GUCY1A2: variants seen among roughly 807,000 people sequenced by gnomAD.
The protein encoded by GUCY1A2 is guanylate cyclase soluble subunit alpha-2.
In GUCY1A2, 27 loss-of-function variants were observed where a neutral mutation model predicts 63.5. The ratio of observed to expected loss-of-function variants is 0.43; its 90% CI spans 0.31 to 0.59. The LOEUF is 0.59. Ranked by LOEUF, GUCY1A2 falls within the 20% of genes least tolerant of loss-of-function variation. The pLI, the probability that GUCY1A2 is intolerant of heterozygous loss-of-function variation, is 0.11. For synonymous variants in GUCY1A2, 364 were observed against 343.5 expected (o/e 1.06, Z -0.66); for missense variants, 768 against 913.3 (o/e 0.84, Z 2.05).
intron 6 of GUCY1A2, among the ~76,000 whole-genome samples, chr11:106,745,627 C>A (rs1863774572): frequency 6.6e-6 from 1 of 152,156 alleles, no homozygotes; most frequent in South Asian, 2.1e-4. Context: ...TAACTACCAA[C>A]CCATCTGTAT....
chr11:106,867,059 C>A (rs576300267), intron 4 of GUCY1A2, among the ~76,000 whole-genome samples: 3 of 152,042 alleles, frequency 2.0e-5, no homozygotes, highest in African/African-American at 4.8e-5. Flanking sequence ...AAGTTTCCCC[C>A]AAATTAATTA....
At chr11:107,003,167 C>T (rs770536967) in intron 1 of GUCY1A2, among the ~76,000 whole-genome samples, 8 of 152,008 alleles carry the variant, frequency 5.3e-5, no homozygotes, top group Non-Finnish European at 8.8e-5. Flanking sequence ...AGATGTATGC[C>T]GACAATATCC....
rs1292300141 is a variant in GUCY1A2, at chr11:106,685,035, A to T, written c.*2514T>A. On this transcript the variant is annotated 3_prime_UTR_variant, in exon 8 of 8. Coordinates refer to ENST00000526355, the MANE Select transcript of GUCY1A2 (RefSeq NM_000855.3). ...GTACCTCATAAACATATATAGCAAC[A>T]TTGTAACTACAATAATCAACTATAA... 9.7e-6 allele frequency: 2 copies of T among 205,180 alleles called. No homozygotes were observed. Among genetic ancestry groups the T allele is most frequent in the East Asian group, 1.5e-4 (2 of 13,476 alleles). 12.7% of individuals were successfully genotyped at this position (205,180 alleles called of 1,614,324 possible). A position where few individuals can be genotyped will look rare whatever the true frequency, so the allele number is the denominator to read the frequency against.
chr11:106,891,043 G>A (rs545091347), intron 4 of GUCY1A2, among the ~76,000 whole-genome samples: 78 of 152,220 alleles, frequency 5.1e-4, no homozygotes, highest in African/African-American at 1.8e-3. Flanking sequence ...AACATTACTA[G>A]TGATTGCCAA....
intron 4 of GUCY1A2, among the ~76,000 whole-genome samples, chr11:106,934,873 T>C (rs1860654310): frequency 6.6e-6 from 1 of 152,208 alleles, no homozygotes; most frequent in South Asian, 2.1e-4. Context: ...TGTTATTTAT[T>C]GTTTCTCAAA....
intron 3 of GUCY1A2, among the ~76,000 whole-genome samples, chr11:106,956,588 T>A (rs946169158): frequency 2.6e-5 from 4 of 152,108 alleles, no homozygotes; most frequent in Admixed American, 2.0e-4. Flanking sequence ...GTCGTATTCA[T>A]GTGATTCGCT....
chr11:106,753,077 T>C (rs1246902455), intron 6 of GUCY1A2, among the ~76,000 whole-genome samples: 1 of 152,224 alleles, frequency 6.6e-6, no homozygotes, highest in Non-Finnish European at 1.5e-5. Flanking sequence ...CATGAGATAG[T>C]ATCTCATTGT....
At chr11:106,721,645 C>T (rs1863319042) in intron 6 of GUCY1A2, among the ~76,000 whole-genome samples, 1 of 151,822 alleles carries the variant, frequency 6.6e-6, no homozygotes, top group Non-Finnish European at 1.5e-5. Flanking sequence ...AGCAGTAGGT[C>T]TCTCAACTGG....
intron 7 of GUCY1A2, among the ~76,000 whole-genome samples, chr11:106,703,017 G>A (rs1460504595): frequency 6.6e-6 from 1 of 152,118 alleles, no homozygotes; most frequent in African/African-American, 2.4e-5. Context: ...CAAGCTGGGT[G>A]GACACAATCT....
intron 4 of GUCY1A2, among the ~76,000 whole-genome samples, chr11:106,828,374 T>C (rs977232378): frequency 3.3e-5 from 5 of 152,096 alleles, no homozygotes; most frequent in Admixed American, 1.3e-4. Flanking sequence ...TGATTTTTGA[T>C]TATGATGAGA....
At chr11:106,872,719 A>C (rs1389042735) in intron 4 of GUCY1A2, among the ~76,000 whole-genome samples, 1 of 152,232 alleles carries the variant, frequency 6.6e-6, no homozygotes, top group Non-Finnish European at 1.5e-5. Context: ...CTGGATGACC[A>C]ATTTAAGTCC....
At chr11:106,792,093 C>T (rs1864672898) in intron 5 of GUCY1A2, among the ~76,000 whole-genome samples, 1 of 152,016 alleles carries the variant, frequency 6.6e-6, no homozygotes, top group South Asian at 2.1e-4. Context: ...AATCAAAAAG[C>T]TTACCCACTA....
chr11:106,698,910 A>G (rs752215249), intron 7 of GUCY1A2, among the ~76,000 whole-genome samples: 3 of 152,170 alleles, frequency 2.0e-5, no homozygotes, highest in Non-Finnish European at 4.4e-5. Context: ...TTTCTGAATC[A>G]CGGTCCATTT....
intron 6 of GUCY1A2, among the ~76,000 whole-genome samples, chr11:106,723,963 AAATG>A (rs1198671911): frequency 6.6e-6 from 1 of 152,272 alleles, no homozygotes; most frequent in Non-Finnish European, 1.5e-5. Flanking sequence ...GTTTCTTAAA[AAATG>A]AATTTAAGTA....
intron 1 of GUCY1A2, among the ~76,000 whole-genome samples, chr11:106,988,504 T>C (rs954460147): frequency 1.3e-5 from 2 of 152,212 alleles, no homozygotes. Flanking sequence ...TCCCAGTCAT[T>C]AAAAAGCACA....
At chr11:106,884,634 A>G (rs541794509) in intron 4 of GUCY1A2, among the ~76,000 whole-genome samples, 39 of 152,224 alleles carry the variant, frequency 2.6e-4, no homozygotes, top group Non-Finnish European at 4.9e-4. Flanking sequence ...GAAACCAAAG[A>G]AAGAAGGTAT....
At position 106,674,251 on chromosome 11, in the gene GUCY1A2, T is replaced by C. The variant is rs1235216673; in HGVS notation, c.*13298A>G. 1 of 184,450 alleles carries C rather than the reference T, an allele frequency of 5.4e-6. No individual in the cohort carries two copies. Among genetic ancestry groups the C allele is most frequent in the African/African-American group, 2.3e-5 (1 of 42,674 alleles). 11.4% of individuals were successfully genotyped at this position (184,450 alleles called of 1,614,324 possible). ...GTAAATGCAAAGACATTTTACATCA[T>C]GAAACATGCTATTTACATTGTGAAT... On this transcript the variant is annotated 3_prime_UTR_variant, in exon 8 of 8. Transcript: ENST00000526355.
At chr11:106,747,047 G>A (rs1863801382) in intron 6 of GUCY1A2, among the ~76,000 whole-genome samples, 1 of 152,130 alleles carries the variant, frequency 6.6e-6, no homozygotes, top group African/African-American at 2.4e-5. Context: ...GAGTACAGTG[G>A]CGCAATCTTG....
intron 3 of GUCY1A2, among the ~76,000 whole-genome samples, chr11:106,947,511 G>C (rs2120005726): frequency 6.6e-6 from 1 of 151,842 alleles, no homozygotes; most frequent in Non-Finnish European, 1.5e-5. Flanking sequence ...GGCAAAGTCA[G>C]AAAAATAAAA....
Sources: gnomAD v4.1 joint callset for allele counts (sites outside exome capture counted in the v4.1 genomes callset) on GRCh38, gnomAD v4.1.1 for gene constraint, MANE v1.5 for transcripts, NCBI Gene and HGNC (gene_info 2026-07-23, HGNC 2026-07-21) for gene names.